Variants in KIF5C observed in about 807,000 individuals in gnomAD.
KIF5C encodes kinesin heavy chain isoform 5C.
Under a neutral mutation model 125.2 loss-of-function variants are expected in KIF5C, and 18 were observed. The ratio of observed to expected loss-of-function variants is 0.14; its 90% CI spans 0.10 to 0.21. The LOEUF (loss-of-function observed/expected upper bound fraction) is 0.21. Ranked by LOEUF, KIF5C falls within the 10% of genes least tolerant of loss-of-function variation. The pLI is 1.00. For synonymous variants in KIF5C, 405 were observed against 434.0 expected (o/e 0.93, Z 0.83); for missense variants, 780 against 1,183.8 (o/e 0.66, Z 5.01).
chr2:148,925,692 T>C (rs1196089377), intron 2 of KIF5C, among the ~76,000 whole-genome samples: 2 of 152,152 alleles, frequency 1.3e-5, no homozygotes, highest in East Asian at 1.9e-4. Flanking sequence ...ATGACAATTA[T>C]TTTATGAGTG....
chr2:148,922,472 A>G (rs907025001), intron 2 of KIF5C, among the ~76,000 whole-genome samples: 1 of 152,116 alleles, frequency 6.6e-6, no homozygotes, highest in Non-Finnish European at 1.5e-5. Flanking sequence ...TTATTTTGTC[A>G]CCCAAAAGCT....
Position 149,005,443 on chromosome 2 carries a change from T to G in KIF5C, c.2424T>G (p.Asp808Glu). ...LHNLRKLFVQ[D>E]LTTRVKKSVE... ...ACCTTCGGAAACTCTTTGTCCAGGA[T>G]CTGACCACCCGAGTTAAAAAAGTGA... Residue 808 changes from aspartate (D) to glutamate (E), a missense_variant, in exon 22 of 26, where the codon GAT (aspartate) becomes GAG (glutamate). Asp to Glu is a conservative substitution (Grantham distance 45). Transcript: ENST00000435030. 6.2e-7 allele frequency: 1 copy of G among 1,613,882 alleles called. No homozygotes were observed. The highest frequency in any genetic ancestry group is 8.5e-7 in the Non-Finnish European group (1 of 1,179,874).
At chr2:148,914,831 A>T (rs1441540842) in intron 1 of KIF5C, among the ~76,000 whole-genome samples, 6 of 152,232 alleles carry the variant, frequency 3.9e-5, no homozygotes, top group Non-Finnish European at 8.8e-5. Context: ...TCCCATGTAG[A>T]CTGGGCAGGC....
intron 8 of KIF5C, among the ~76,000 whole-genome samples, chr2:148,949,304 A>G (rs931316064): frequency 5.3e-5 from 8 of 152,086 alleles, no homozygotes; most frequent in African/African-American, 1.4e-4. Context: ...TGCTTTTTGG[A>G]TATTTTTCAT....
chr2:148,998,107 A>T, intron 18 of KIF5C: 1 of 420,816 alleles, frequency 2.4e-6, no homozygotes, highest in South Asian at 2.6e-5. Flanking sequence ...CCTCTGACTG[A>T]CCTGGCTGGA....
Position 148,950,026 on chromosome 2 carries a change from C to T in KIF5C, c.819+83C>T, listed in dbSNP as rs140682649. 9.1e-5 allele frequency: 136 copies of T among 1,497,928 alleles called. No homozygotes were observed. The African/African-American group carries it at 1.7e-3, about 18-fold the overall frequency. 92.8% of individuals were successfully genotyped at this position (1,497,928 alleles called of 1,614,324 possible). A position where few individuals can be genotyped will look rare whatever the true frequency, so the allele number is the denominator to read the frequency against. The stretch of plus-strand genomic sequence containing the variant: ...CTCATAGTCCCTTTGCCACACACCC[C>T]AAAGGCTGGTTTGTTTTTCTGTTTG... On this transcript the variant is annotated intron_variant, in intron 9 of 25. Transcript: ENST00000435030.
In KIF5C at chr2:148,933,465, C is replaced by T. The variant is rs910396083; in HGVS notation, c.292-3819C>T. 7.2e-4 allele frequency among the ~76,000 whole-genome samples: 109 copies of T among 151,600 alleles called. 1 individual carries two copies. The East Asian group carries it at 0.02, about 28-fold the overall frequency. On this transcript the variant is annotated intron_variant, in intron 3 of 25. Coordinates refer to ENST00000435030, the MANE Select transcript of KIF5C (RefSeq NM_004522.3). ...CACATTCCACCCCCCCCACATACATCGTAAACACACACACAGACATATGCA... is the reference window on the plus strand; with the variant it reads ...CACATTCCACCCCCCCCACATACATTGTAAACACACACACAGACATATGCA...
At chr2:148,957,037 G>A (rs956521522) in intron 10 of KIF5C, among the ~76,000 whole-genome samples, 3 of 152,164 alleles carry the variant, frequency 2.0e-5, no homozygotes, top group Non-Finnish European at 2.9e-5. Context: ...AAGGCTGGTT[G>A]GTATCACAAT....
chr2:149,007,149 T>C (rs1682033587), intron 22 of KIF5C, among the ~76,000 whole-genome samples: 1 of 152,082 alleles, frequency 6.6e-6, no homozygotes, highest in Non-Finnish European at 1.5e-5. Context: ...CAACAAACCC[T>C]CCCCTGGAGA....
rs1682940108 is a variant in KIF5C at position 148,962,079 on chromosome 2, T to A, written c.1077T>A (p.Val359=). Residue 359 remains valine (V), a synonymous_variant, in exon 11 of 26, where the codon GTT becomes GTA. Transcript: ENST00000435030. ...EKEKNKTLKN[V]IQHLEMELNR... ...AGAAAAACAAGACTTTGAAGAATGTTATCCAGCATCTGGAGATGGAGCTAA... is the reference window on the plus strand; with the variant it reads ...AGAAAAACAAGACTTTGAAGAATGTAATCCAGCATCTGGAGATGGAGCTAA... 1 of 1,612,870 alleles carries A rather than the reference T, an allele frequency of 6.2e-7. No individual in the cohort carries two copies. Among genetic ancestry groups the A allele is most frequent in the South Asian group, 1.1e-5 (1 of 90,814 alleles).
At chr2:148,916,938 A>C (rs542101136) in intron 1 of KIF5C, among the ~76,000 whole-genome samples, 5 of 152,192 alleles carry the variant, frequency 3.3e-5, no homozygotes, top group East Asian at 3.9e-4. Context: ...ATCTTTCTTT[A>C]TTTATAAAAC....
chr2:148,933,582 A>C (rs1464931645), intron 3 of KIF5C, among the ~76,000 whole-genome samples: 2 of 150,968 alleles, frequency 1.3e-5, no homozygotes, highest in African/African-American at 4.9e-5. Context: ...TGCATACCAC[A>C]CACGTATACA....
chr2:148,970,413 A>T (rs142274733), intron 11 of KIF5C, among the ~76,000 whole-genome samples: 1 of 152,112 alleles, frequency 6.6e-6, no homozygotes, highest in Non-Finnish European at 1.5e-5. Flanking sequence ...TACTATCTTC[A>T]TTTATCTTTA....
At chr2:148,908,316 G>T (rs183952750) in intron 1 of KIF5C, among the ~76,000 whole-genome samples, 1 of 152,186 alleles carries the variant, frequency 6.6e-6, no homozygotes, top group Admixed American at 6.5e-5. Context: ...GAGGGTGAAG[G>T]CCTTTTCTTC....
At chr2:148,973,754 AGTCTT>A (rs937837720) in intron 12 of KIF5C, among the ~76,000 whole-genome samples, 3 of 152,142 alleles carry the variant, frequency 2.0e-5, no homozygotes, top group Admixed American at 1.3e-4. Context: ...TGCTATTTAG[AGTCTT>A]GTCTTCTAGA....
chr2:148,966,871 C>T lies in KIF5C; in HGVS notation c.1117+4752C>T, dbSNP rs533334702. Among the ~76,000 whole-genome samples, 3 of 152,150 alleles carry T rather than the reference C, an allele frequency of 2.0e-5. 1 individual carries two copies. The highest frequency in any genetic ancestry group is 7.2e-5 in the African/African-American group (3 of 41,514). On this transcript the variant is annotated intron_variant, in intron 11 of 25. Coordinates refer to ENST00000435030, the MANE Select transcript of KIF5C (RefSeq NM_004522.3). ...ATAATGAGATGCCATCTGCAAACCC[C>T]GAAGAGGGCCCTTACCAAGTGCCAA...
At chr2:148,894,702 C>CTATATATATATATATA (rs1361365943) in intron 1 of KIF5C, among the ~76,000 whole-genome samples, 1 of 148,504 alleles carries the variant, frequency 6.7e-6, no homozygotes, top group African/African-American at 2.5e-5. Flanking sequence ...AAGTTTAGTA[C>CTATATATATATATATA]AATATATATA....
intron 22 of KIF5C, among the ~76,000 whole-genome samples, chr2:149,006,084 G>T (rs1234907201): frequency 6.6e-6 from 1 of 152,198 alleles, no homozygotes; most frequent in East Asian, 1.9e-4. Flanking sequence ...TCGTGCTACA[G>T]CAGCAGTCTG....
chr2:148,919,939 A>G (rs1681715834), intron 1 of KIF5C, among the ~76,000 whole-genome samples: 1 of 152,226 alleles, frequency 6.6e-6, no homozygotes. Flanking sequence ...TTGGGAGTTA[A>G]CTTTAGGTTA....
Sources: allele counts gnomAD v4.1 joint callset (sites outside exome capture counted in the v4.1 genomes callset), GRCh38; gene constraint gnomAD v4.1.1; transcripts MANE v1.5; gene names NCBI Gene and HGNC (gene_info 2026-07-23, HGNC 2026-07-21).